USP10: variants seen among roughly 807,000 people sequenced by gnomAD.
The protein encoded by USP10 is ubiquitin carboxyl-terminal hydrolase 10.
Under a neutral mutation model 84.5 loss-of-function variants are expected in USP10, and 22 were observed. The observed-to-expected ratio is 0.26, with a 90% confidence interval of 0.19 to 0.37. USP10 has a LOEUF of 0.37. Ranked by LOEUF, USP10 falls within the 10% of genes least tolerant of loss-of-function variation. The pLI is 1.00. For synonymous variants in USP10, 454 were observed against 387.6 expected, an observed-to-expected ratio of 1.17 and a Z score of -2.01; for missense variants, 1,019 against 998.9, an observed-to-expected ratio of 1.02 and a Z score of -0.27.
chr16:84,720,428 T>G (rs778082412), intron 1 of USP10, among the ~76,000 whole-genome samples: 7 of 152,022 alleles, frequency 4.6e-5, no homozygotes, highest in Non-Finnish European at 1.0e-4. Context: ...TTGTGTGGAG[T>G]TTGAGTACAT....
At chr16:84,730,704 G>T (rs1027448946) in intron 1 of USP10, among the ~76,000 whole-genome samples, 3 of 152,028 alleles carry the variant, frequency 2.0e-5, no homozygotes, top group African/African-American at 7.2e-5. Context: ...CAAATCATTT[G>T]GATTTGTAGT....
chr16:84,716,791 T>TA (rs1016967193), intron 1 of USP10, among the ~76,000 whole-genome samples: 2 of 152,234 alleles, frequency 1.3e-5, no homozygotes, highest in African/African-American at 4.8e-5. Flanking sequence ...TCTACCTTTA[T>TA]ATACACCTTA....
chr16:84,734,079 A>G (rs1909587186), intron 2 of USP10, among the ~76,000 whole-genome samples: 1 of 152,172 alleles, frequency 6.6e-6, no homozygotes. Flanking sequence ...TATTGCACTC[A>G]ATGTATTTTA....
intron 1 of USP10, among the ~76,000 whole-genome samples, chr16:84,724,664 T>C (rs982516898): frequency 1.9e-4 from 29 of 152,222 alleles, no homozygotes; most frequent in African/African-American, 6.0e-4. Context: ...TTTGTAACAC[T>C]TAGTTCAGCT....
intron 1 of USP10, among the ~76,000 whole-genome samples, chr16:84,704,082 A>C (rs934128082): frequency 6.6e-6 from 1 of 152,266 alleles, no homozygotes; most frequent in Non-Finnish European, 1.5e-5. Flanking sequence ...TGCTGTGCTC[A>C]GAATATAACA....
chr16:84,732,932 C>G (rs1168568119), intron 1 of USP10: 1 of 373,136 alleles, frequency 2.7e-6, no homozygotes, highest in Admixed American at 3.7e-5. Context: ...TATGGAAATG[C>G]ATTTTTAAAC....
intron 1 of USP10, among the ~76,000 whole-genome samples, chr16:84,731,688 C>G (rs1909256571): frequency 6.6e-6 from 1 of 152,126 alleles, no homozygotes; most frequent in African/African-American, 2.4e-5. Context: ...GTTGATTTTG[C>G]TATTAAGACG....
At position 84,744,877 on chromosome 16, in the gene USP10, G is replaced by T. The variant is rs199963685; in HGVS notation, c.396G>T (p.Ala132=). 6 of 1,613,600 alleles carry T rather than the reference G, an allele frequency of 3.7e-6. No individual in the cohort carries two copies. In the South Asian group the frequency reaches 5.5e-5, roughly 15 times the overall value. Residue 132 remains alanine, a synonymous_variant, in exon 4 of 14, where the codon GCG becomes GCT. Coordinates refer to ENST00000219473, the MANE Select transcript of USP10 (RefSeq NM_005153.3). The part of the protein sequence containing the change: ...LALDGSSNVE[A]EVLENDGVSG... ...TGGATGGAAGTTCTAATGTGGAGGC[G>T]GAAGTTTTGGAAAATGATGGTGTCT...
At chr16:84,748,434 G>C (rs1043563412) in intron 4 of USP10, among the ~76,000 whole-genome samples, 5 of 151,920 alleles carry the variant, frequency 3.3e-5, no homozygotes, top group Non-Finnish European at 1.5e-5. Context: ...CTCCCTAGTA[G>C]CTGGGACTAC....
intron 8 of USP10, among the ~76,000 whole-genome samples, chr16:84,762,009 C>A (rs780510716): frequency 3.3e-5 from 5 of 152,236 alleles, no homozygotes; most frequent in Non-Finnish European, 7.3e-5. Flanking sequence ...TACCTAGATG[C>A]TTCAAACAGA....
intron 1 of USP10, among the ~76,000 whole-genome samples, chr16:84,710,444 C>T (rs1906133905): frequency 6.6e-6 from 1 of 151,986 alleles, no homozygotes; most frequent in Admixed American, 6.6e-5. Context: ...AGAAGTAGGG[C>T]ATTTCTTTTG....
intron 1 of USP10, among the ~76,000 whole-genome samples, chr16:84,717,590 C>T (rs1907210703): frequency 6.6e-6 from 1 of 152,162 alleles, no homozygotes; most frequent in Non-Finnish European, 1.5e-5. Context: ...TTGCTAGTCT[C>T]TTAGGTGCCA....
intron 4 of USP10, among the ~76,000 whole-genome samples, chr16:84,756,990 C>T (rs1912617689): frequency 6.6e-6 from 1 of 151,998 alleles, no homozygotes; most frequent in Non-Finnish European, 1.5e-5. Flanking sequence ...TCAGGTGGAC[C>T]CAGGTTCACA....
At chr16:84,748,180 T>C (rs973371264) in intron 4 of USP10, among the ~76,000 whole-genome samples, 8 of 132,558 alleles carry the variant, frequency 6.0e-5, no homozygotes, top group African/African-American at 2.2e-4. Flanking sequence ...AAAAAAAAGA[T>C]AGATTGTGTA....
rs115172212 is a variant in USP10 at position 84,712,538 on chromosome 16, G to A, written c.21+12427G>A. On this transcript the variant is annotated intron_variant, in intron 1 of 13. Coordinates refer to ENST00000219473, the MANE Select transcript of USP10 (RefSeq NM_005153.3). ...GCTGGTTGTCATTCACTGTTTTCAG[G>A]ACTGCTTATGGTTGTTTTTGGTGTT... Among the ~76,000 whole-genome samples, 6 of 152,218 alleles carry A rather than the reference G, an allele frequency of 3.9e-5. No individual in the cohort carries two copies. The South Asian group carries it at 1.0e-3, about 26-fold the overall frequency.
chr16:84,775,374 G>A (rs1251330881), intron 13 of USP10, 149 bp downstream of exon 13: 2 of 706,926 alleles, frequency 2.8e-6, no homozygotes, highest in Non-Finnish European at 4.9e-6. Context: ...TCACGTGAGA[G>A]TTTTACCTGA....
intron 1 of USP10, among the ~76,000 whole-genome samples, chr16:84,705,996 A>G (rs1258012454): frequency 3.9e-5 from 6 of 152,156 alleles, no homozygotes; most frequent in Non-Finnish European, 4.4e-5. Context: ...TGCTGGGATT[A>G]CAGGCATGAG....
chr16:84,724,178 G>A (rs1010072378), intron 1 of USP10, among the ~76,000 whole-genome samples: 1 of 152,270 alleles, frequency 6.6e-6, no homozygotes, highest in South Asian at 2.1e-4. Context: ...AGAGCAAAGC[G>A]AGTTAAAATT....
intron 1 of USP10, among the ~76,000 whole-genome samples, chr16:84,718,931 T>TA (rs1907418519): frequency 6.6e-6 from 1 of 151,764 alleles, no homozygotes; most frequent in South Asian, 2.1e-4. Flanking sequence ...TAGCTGAGAT[T>TA]ACAGGCGCCC....
Sources: allele counts gnomAD v4.1 joint callset (sites outside exome capture counted in the v4.1 genomes callset), GRCh38; gene constraint gnomAD v4.1.1; transcripts MANE v1.5; gene names NCBI Gene and HGNC (gene_info 2026-07-23, HGNC 2026-07-21).